The following UHRF2 variants were observed in gnomAD, a reference collection of about 807,000 sequenced individuals.
The protein encoded by UHRF2 is ubiquitin like with PHD and ring finger domains 2, also known as E3 ubiquitin-protein ligase UHRF2.
In UHRF2, 23 loss-of-function variants were observed where a neutral mutation model predicts 96.8. The observed-to-expected ratio is 0.24, with a 90% CI of 0.17 to 0.34. UHRF2 has a LOEUF of 0.34. UHRF2 is among the 10% of genes least tolerant of loss of function. UHRF2 has a pLI of 1.00. For synonymous variants in UHRF2, 385 were observed against 332.6 expected (o/e 1.16, Z -1.72); for missense variants, 685 against 981.5 (o/e 0.70, Z 4.04).
At chr9:6,491,097 C>T (rs966542620) in intron 9 of UHRF2, among the ~76,000 whole-genome samples, 1 of 152,216 alleles carries the variant, frequency 6.6e-6, no homozygotes, top group Non-Finnish European at 1.5e-5. Context: ...AAGAATTAAT[C>T]AAATGCCAGT....
intron 4 of UHRF2, among the ~76,000 whole-genome samples, chr9:6,469,680 GTATA>G (rs926034854): frequency 3.4e-5 from 3 of 89,222 alleles, no homozygotes; most frequent in Non-Finnish European, 6.0e-5. Flanking sequence ...GTGTGTGTAT[GTATA>G]TATATACACG....
chr9:6,420,460 T>A (rs1211888471), intron 1 of UHRF2, among the ~76,000 whole-genome samples: 2 of 151,190 alleles, frequency 1.3e-5, no homozygotes, highest in Non-Finnish European at 3.0e-5. Context: ...CCCAGCACTT[T>A]GGGAGGTCGA....
At chr9:6,479,194 C>T (rs914503601) in intron 6 of UHRF2, among the ~76,000 whole-genome samples, 1 of 152,186 alleles carries the variant, frequency 6.6e-6, no homozygotes, top group South Asian at 2.1e-4. Context: ...GCTATCTCTA[C>T]TAATTGTTTC....
intron 3 of UHRF2, among the ~76,000 whole-genome samples, chr9:6,458,153 TGGAACTTGTTATTGGTCTCAATTTC>T (rs1587823216): frequency 2.0e-5 from 3 of 152,306 alleles, no homozygotes; most frequent in East Asian, 1.9e-4. Context: ...TTTTTTTGGT[TGGAACTTGTTATTGGTCTCAATTTC>T]GGAACTTGTT....
In UHRF2 at chr9:6,480,228, C is replaced by G. The variant is rs142510946; in HGVS notation, c.1161-1415C>G. On this transcript the variant is annotated intron_variant, in intron 6 of 15. Coordinates refer to ENST00000276893, the MANE Select transcript of UHRF2 (RefSeq NM_152896.3). ...GCCAGGAATGCTTTTCTTAGGTTAT[C>G]TACTGTAAGAAGCATACCACTTCTA... 2.6e-4 allele frequency among the ~76,000 whole-genome samples: 39 copies of G among 152,306 alleles called. 1 individual carries two copies. The highest frequency in any genetic ancestry group is 3.9e-4 in the Admixed American group (6 of 15,292).
chr9:6,483,011 A>G (rs1487476869), intron 8 of UHRF2, among the ~76,000 whole-genome samples: 1 of 152,120 alleles, frequency 6.6e-6, no homozygotes, highest in Non-Finnish European at 1.5e-5. Context: ...ATAGACACCA[A>G]AGTCTGTGGA....
At chr9:6,504,872 A>T (rs886708991) in intron 15 of UHRF2, among the ~76,000 whole-genome samples, 181 bp downstream of exon 15, 9 of 152,198 alleles carry the variant, frequency 5.9e-5, no homozygotes, top group Non-Finnish European at 1.3e-4. Context: ...TAGTGATAAT[A>T]ATTCAAATAT....
chr9:6,497,890 G>A (rs2130962221), intron 11 of UHRF2, 128 bp from the exon 12 acceptor site: 1 of 1,176,258 alleles, frequency 8.5e-7, no homozygotes, highest in Non-Finnish European at 1.2e-6. Context: ...TTGACTTACT[G>A]TCCTTACAGC....
intron 6 of UHRF2, among the ~76,000 whole-genome samples, chr9:6,480,404 G>A (rs1011025183): frequency 2.6e-5 from 4 of 152,206 alleles, no homozygotes; most frequent in Non-Finnish European, 5.9e-5. Flanking sequence ...CTTGCACATA[G>A]GAGGTTCTGA....
chr9:6,429,894 T>G (rs1211345385), intron 2 of UHRF2, among the ~76,000 whole-genome samples: 3 of 152,366 alleles, frequency 2.0e-5, no homozygotes, highest in Admixed American at 1.3e-4. Flanking sequence ...ACCTAGCATA[T>G]AGTAAAACCA....
chr9:6,464,899 C>T (rs898394457), intron 4 of UHRF2, among the ~76,000 whole-genome samples: 1 of 152,090 alleles, frequency 6.6e-6, no homozygotes, highest in Non-Finnish European at 1.5e-5. Flanking sequence ...CATCTTTTCT[C>T]TTTCTGGTAT....
intron 3 of UHRF2, among the ~76,000 whole-genome samples, chr9:6,447,100 A>G (rs1252984723): frequency 3.3e-5 from 5 of 152,066 alleles, no homozygotes; most frequent in Non-Finnish European, 7.4e-5. Flanking sequence ...CATGTTAGCC[A>G]GGATGGTCTT....
intron 11 of UHRF2, 47 bp downstream of exon 11, chr9:6,497,407 T>C: frequency 6.3e-7 from 1 of 1,599,164 alleles, no homozygotes; most frequent in Non-Finnish European, 8.5e-7. Flanking sequence ...TCCTGGGCTT[T>C]CAAGGCAGGG....
chr9:6,445,328 A>G (rs1463197331), intron 3 of UHRF2, among the ~76,000 whole-genome samples: 1 of 151,994 alleles, frequency 6.6e-6, no homozygotes, highest in Non-Finnish European at 1.5e-5. Flanking sequence ...CAGTGGTATC[A>G]TGTTGACCCA....
chr9:6,420,472 G>C (rs1819865020), intron 1 of UHRF2, among the ~76,000 whole-genome samples: 1 of 151,658 alleles, frequency 6.6e-6, no homozygotes, highest in Admixed American at 6.6e-5. Context: ...GGAGGTCGAG[G>C]TGGGTGGATC....
At chr9:6,498,227 T>A in intron 12 of UHRF2, 69 bp downstream of exon 12, 1 of 1,502,740 alleles carries the variant, frequency 6.7e-7, no homozygotes, top group Non-Finnish European at 9.0e-7. Flanking sequence ...CTACATGCCT[T>A]AACACTGGAT....
chr9:6,438,673 C>T lies in UHRF2; in HGVS notation c.644+4500C>T, dbSNP rs528416522. Among the ~76,000 whole-genome samples, 22 of 152,278 alleles carry T rather than the reference C, an allele frequency of 1.4e-4. 1 individual carries two copies. In the South Asian group the frequency reaches 4.6e-3, roughly 32 times the overall value. ...AAAGAAACCTGCCTCTGGAATTATT[C>T]TGGGGTATGCAATGTTTGTCAGTTA... On this transcript the variant is annotated intron_variant, in intron 3 of 15. Transcript: ENST00000276893.
rs117750807 is a variant in UHRF2, at chr9:6,496,659, A to T, written c.1605-539A>T. 6.3e-3 allele frequency: 961 copies of T among 152,384 alleles called. 2 individuals are homozygous for T. The highest frequency in any genetic ancestry group is 0.01 in the Middle Eastern group (3 of 294). The allele number at this position is 152,384 out of a possible 1,614,324, so 9.4% of individuals were successfully genotyped here. On this transcript the variant is annotated intron_variant, in intron 10 of 15. Transcript: ENST00000276893. Reference sequence around the variant, plus strand: ...CTTTTTATGGAGACCTTTAAAGAACATTCTCATACACCACTTATTCTTAAT... The same window carrying T: ...CTTTTTATGGAGACCTTTAAAGAACTTTCTCATACACCACTTATTCTTAAT...
chr9:6,502,068 A>G (rs537741414), intron 14 of UHRF2, among the ~76,000 whole-genome samples: 2 of 152,342 alleles, frequency 1.3e-5, no homozygotes, highest in East Asian at 3.9e-4. Context: ...TTTCATGCCC[A>G]TTCTCTTCAG....
Sources: allele counts gnomAD v4.1 joint callset (sites outside exome capture counted in the v4.1 genomes callset), GRCh38; gene constraint gnomAD v4.1.1; transcripts MANE v1.5; gene names NCBI Gene and HGNC (gene_info 2026-07-23, HGNC 2026-07-21).